SYNDIG1L: variants seen among roughly 807,000 people sequenced by gnomAD.
SYNDIG1L encodes synapse differentiation-inducing gene protein 1-like.
Under a neutral mutation model 20.1 loss-of-function variants are expected in SYNDIG1L, and 13 were observed. That is an observed-to-expected ratio of 0.65 (90% CI 0.42 to 1.03). SYNDIG1L has a LOEUF of 1.03. SYNDIG1L is among the 50% of genes least tolerant of loss of function. The pLI is 0.00. For synonymous variants in SYNDIG1L, 128 were observed against 129.3 expected (o/e 0.99, Z 0.07); for missense variants, 294 against 305.1 (o/e 0.96, Z 0.27).
the SYNDIG1L span, among the ~76,000 whole-genome samples, chr14:74,475,571 C>A: frequency 6.6e-6 from 1 of 152,078 alleles, no homozygotes; most frequent in East Asian, 1.9e-4. Flanking sequence ...TGGCATCTCT[C>A]TCTCTCTCTT....
upstream of SYNDIG1L, among the ~76,000 whole-genome samples, chr14:74,427,331 G>C (rs1165089800): frequency 6.6e-6 from 1 of 152,152 alleles, no homozygotes; most frequent in East Asian, 1.9e-4. Flanking sequence ...CAAGGAACCA[G>C]GGTCTGGCAG....
intron 1 of SYNDIG1L, among the ~76,000 whole-genome samples, chr14:74,422,957 C>G (rs1293324424): frequency 6.6e-6 from 1 of 152,126 alleles, no homozygotes. Flanking sequence ...CCTCAGCCTC[C>G]TAAAGTGCTG....
intron 1 of SYNDIG1L, among the ~76,000 whole-genome samples, chr14:74,410,744 G>A (rs1185578798): frequency 6.6e-6 from 1 of 152,098 alleles, no homozygotes; most frequent in Admixed American, 6.5e-5. Context: ...CTTGGCACAC[G>A]GCATGTGCTC....
chr14:74,456,839 C>T, the SYNDIG1L span, among the ~76,000 whole-genome samples: 1 of 152,042 alleles, frequency 6.6e-6, no homozygotes, highest in African/African-American at 2.4e-5. Flanking sequence ...AACAGCTGTG[C>T]CCCTGCAGGA....
At chr14:74,460,303 T>C in the SYNDIG1L span, among the ~76,000 whole-genome samples, 1 of 151,990 alleles carries the variant, frequency 6.6e-6, no homozygotes, top group Non-Finnish European at 1.5e-5. Context: ...GACCTCGCTT[T>C]CCCTATTAAC....
chr14:74,413,734 C>T (rs1031767890), intron 1 of SYNDIG1L, among the ~76,000 whole-genome samples: 3 of 151,934 alleles, frequency 2.0e-5, no homozygotes, highest in South Asian at 2.1e-4. Flanking sequence ...CTAGGTTTGG[C>T]GGCTGAGCAC....
chr14:74,472,600 A>G, the SYNDIG1L span, among the ~76,000 whole-genome samples: 1 of 152,214 alleles, frequency 6.6e-6, no homozygotes, highest in East Asian at 1.9e-4. Flanking sequence ...ATACCAGTAT[A>G]TAGTGTTGAA....
At position 74,407,301 on chromosome 14, in the gene SYNDIG1L, G is replaced by A. The variant is rs1396365531; in HGVS notation, c.*234C>T. The A allele has an allele frequency of 4.6e-5, 28 of 603,388 alleles. No individual in the cohort carries two copies. The highest frequency in any genetic ancestry group is 4.4e-4 in the Middle Eastern group (1 of 2,256). 37.4% of individuals were successfully genotyped at this position (603,388 alleles called of 1,614,324 possible). Reference sequence around the variant, plus strand: ...TGGGCAGCCCTGCCTTCTGTTTCCCGTCTGTAGCCTGGGTTAGAGAGTGGC... The same window carrying A: ...TGGGCAGCCCTGCCTTCTGTTTCCCATCTGTAGCCTGGGTTAGAGAGTGGC... On this transcript the variant is annotated 3_prime_UTR_variant, in exon 4 of 4. Transcript: ENST00000331628.
the SYNDIG1L span, chr14:74,479,596 A>G: frequency 1.3e-5 from 2 of 153,680 alleles, no homozygotes; most frequent in African/African-American, 4.8e-5. Flanking sequence ...CAGTGTTCCC[A>G]AAAGATCACC....
At chr14:74,440,100 C>T in the SYNDIG1L span, among the ~76,000 whole-genome samples, 1 of 152,194 alleles carries the variant, frequency 6.6e-6, no homozygotes, top group East Asian at 1.9e-4. Context: ...GCATCTCGGG[C>T]TGGGCGCGGT....
chr14:74,422,712 TTC>T, intron 1 of SYNDIG1L, among the ~76,000 whole-genome samples: 3 of 137,306 alleles, frequency 2.2e-5, no homozygotes, highest in Admixed American at 7.8e-5. Context: ...TTTCTTTCCT[TTC>T]TCTCTTTTTT....
chr14:74,415,625 G>A (rs1008236636), intron 1 of SYNDIG1L, among the ~76,000 whole-genome samples: 4 of 151,872 alleles, frequency 2.6e-5, no homozygotes, highest in Non-Finnish European at 5.9e-5. Flanking sequence ...ACTGCGCCTC[G>A]ACTTTTTGGG....
At chr14:74,453,354 A>G in the SYNDIG1L span, among the ~76,000 whole-genome samples, 4 of 30,190 alleles carry the variant, frequency 1.3e-4, no homozygotes, top group African/African-American at 6.3e-4. Flanking sequence ...CTCTGTCTCA[A>G]AAAAAAAAAA....
At position 74,407,664 on chromosome 14, in the gene SYNDIG1L, G is replaced by T. The variant is rs1441676749; in HGVS notation, c.588C>A (p.Phe196Leu). 3.1e-6 allele frequency: 5 copies of T among 1,612,004 alleles called. No homozygotes were observed. In the South Asian group the frequency reaches 5.5e-5, roughly 18 times the overall value. Reference protein sequence around the residue: ...GTSKAISKGDFRLASTTSRRA... With the variant: ...GTSKAISKGDLRLASTTSRRA... Reference sequence around the variant, plus strand: ...GGCGGGAGGTGGTGCTGGCCAGGCGGAAGTCCCCTTTGGAGATGGCCTTGC... The same window carrying T: ...GGCGGGAGGTGGTGCTGGCCAGGCGTAAGTCCCCTTTGGAGATGGCCTTGC... Residue 196 changes from phenylalanine (F) to leucine (L), a missense_variant, in exon 4 of 4, where the codon TTC becomes TTA. Phe to Leu is a conservative substitution (Grantham distance 22). Transcript: ENST00000331628.
chr14:74,421,993 G>T (rs2086225388), intron 1 of SYNDIG1L, among the ~76,000 whole-genome samples: 1 of 152,146 alleles, frequency 6.6e-6, no homozygotes, highest in South Asian at 2.1e-4. Context: ...TGGCTGACAA[G>T]GGTGAAAATT....
chr14:74,445,663 G>A, the SYNDIG1L span, among the ~76,000 whole-genome samples: 8 of 152,106 alleles, frequency 5.3e-5, no homozygotes, highest in Non-Finnish European at 1.2e-4. Context: ...TTTAAATAGA[G>A]ACAGGGTTTC....
chr14:74,438,092 C>T, the SYNDIG1L span, among the ~76,000 whole-genome samples: 1 of 152,318 alleles, frequency 6.6e-6, no homozygotes, highest in South Asian at 2.1e-4. Context: ...AAATATGGTG[C>T]ACCTACTGTA....
chr14:74,415,878 C>G (rs2139625544), intron 1 of SYNDIG1L, among the ~76,000 whole-genome samples: 1 of 152,044 alleles, frequency 6.6e-6, no homozygotes, highest in Admixed American at 6.6e-5. Flanking sequence ...ATAGGTGAGA[C>G]AAATAGAAAG....
chr14:74,432,715 G>C, the SYNDIG1L span, among the ~76,000 whole-genome samples: 1 of 152,196 alleles, frequency 6.6e-6, no homozygotes, highest in East Asian at 1.9e-4. Flanking sequence ...AGTTAGCTGG[G>C]TGTGGTGGCA....
Sources: gnomAD v4.1 joint callset for allele counts (sites outside exome capture counted in the v4.1 genomes callset) on GRCh38, gnomAD v4.1.1 for gene constraint, MANE v1.5 for transcripts, NCBI Gene and HGNC (gene_info 2026-07-23, HGNC 2026-07-21) for gene names.